NDST3: variants seen among roughly 807,000 people sequenced by gnomAD.
NDST3 encodes the protein bifunctional heparan sulfate N-deacetylase/N-sulfotransferase 3.
A neutral mutation model predicts 96.1 loss-of-function variants in NDST3; 58 were observed. That is an observed-to-expected ratio of 0.60 (90% confidence interval 0.49 to 0.75). The LOEUF (loss-of-function observed/expected upper bound fraction) is 0.75, where lower values mean the gene tolerates loss of function less well. Among genes scored for constraint, NDST3 ranks in the 30% least tolerant of loss-of-function variants. The pLI, the probability that NDST3 is intolerant of heterozygous loss-of-function variation, is 0.00. For synonymous variants in NDST3, 333 were observed against 359.7 expected (o/e 0.93, Z 0.84); for missense variants, 788 against 1,034.2 (o/e 0.76, Z 3.27).
chr4:118,236,642 C>A (rs1001978485), intron 9 of NDST3, among the ~76,000 whole-genome samples: 1 of 152,134 alleles, frequency 6.6e-6, no homozygotes, highest in Non-Finnish European at 1.5e-5. Context: ...TTCTCTAAAT[C>A]CTTTTAAAAT....
intron 10 of NDST3, among the ~76,000 whole-genome samples, chr4:118,237,632 T>C (rs563986267): frequency 3.9e-5 from 6 of 152,308 alleles, no homozygotes; most frequent in Admixed American, 1.3e-4. Flanking sequence ...ACAGTCTCCA[T>C]TGCAACTCTA....
rs757408680 is a variant in NDST3, at chr4:118,146,582, T to G, written c.1539+2898T>G. Among the ~76,000 whole-genome samples the G allele has an allele frequency of 5.2e-4, 79 of 152,220 alleles. 1 individual carries two copies. The highest frequency in any genetic ancestry group is 1.9e-3 in the African/African-American group (79 of 41,458). On this transcript the variant is annotated intron_variant, in intron 6 of 13. Transcript: ENST00000296499. The stretch of plus-strand genomic sequence containing the variant: ...AAAACCGTTAAACAGAATAACTCTC[T>G]GGCCTGAAATGTTCTAATGTTACCA...
intron 6 of NDST3, among the ~76,000 whole-genome samples, chr4:118,210,930 G>A (rs1016268941): frequency 2.0e-5 from 3 of 152,152 alleles, no homozygotes; most frequent in Non-Finnish European, 2.9e-5. Flanking sequence ...GCATATGACA[G>A]TATCAGTTGA....
intron 1 of NDST3, among the ~76,000 whole-genome samples, chr4:118,047,895 A>G (rs1376424216): frequency 6.6e-6 from 1 of 152,180 alleles, no homozygotes; most frequent in Non-Finnish European, 1.5e-5. Context: ...TGCATACTAT[A>G]TGAGATAACC....
chr4:118,211,352 A>T (rs1256525676), intron 6 of NDST3, among the ~76,000 whole-genome samples: 1 of 152,168 alleles, frequency 6.6e-6, no homozygotes, highest in African/African-American at 2.4e-5. Flanking sequence ...ATTATTTAAC[A>T]TATGAGCTAC....
At chr4:118,090,678 C>A (rs1728789253) in intron 2 of NDST3, among the ~76,000 whole-genome samples, 1 of 151,746 alleles carries the variant, frequency 6.6e-6, no homozygotes, top group African/African-American at 2.4e-5. Flanking sequence ...TTTCATCTTT[C>A]TTCACTCGAA....
Position 118,054,050 on chromosome 4 carries a change from C to A in NDST3, c.140C>A (p.Ala47Asp), listed in dbSNP as rs1328323497. The A allele has an allele frequency of 1.9e-6, 3 of 1,612,824 alleles. No individual in the cohort carries two copies. Among genetic ancestry groups the A allele is most frequent in the Admixed American group, 3.3e-5 (2 of 59,868 alleles). The change falls in exon 2 of 14, where the codon GCT (alanine) becomes GAT (aspartate). Residue 47 changes from alanine to aspartate, a missense_variant. Around this residue, in one of 3 missense-constraint regions of NDST3, gnomAD observed 234 missense variants for 256.9 expected, o/e 0.91. Transcript: ENST00000296499. ...CAGGAAAATGAACTCTCTGAGACGG[C>A]TTCAGAAGTTGACTGTGGCGACCTC... The part of the protein sequence containing the change: ...YKQENELSET[A>D]SEVDCGDLQH...
At chr4:118,040,873 A>T (rs1236174865) in intron 1 of NDST3, among the ~76,000 whole-genome samples, 1 of 53,372 alleles carries the variant, frequency 1.9e-5, no homozygotes, top group African/African-American at 3.4e-5. Flanking sequence ...ATTTTTATAT[A>T]TATATATATT....
intron 6 of NDST3, among the ~76,000 whole-genome samples, chr4:118,164,566 C>T (rs1025570693): frequency 8.5e-5 from 13 of 152,048 alleles, no homozygotes; most frequent in African/African-American, 3.1e-4. Context: ...ATCGCCTTTA[C>T]AAGAAATGCT....
At chr4:118,102,055 C>A (rs1223914381) in intron 2 of NDST3, among the ~76,000 whole-genome samples, 2 of 151,282 alleles carry the variant, frequency 1.3e-5, no homozygotes, top group Middle Eastern at 3.2e-3. Context: ...TAACTATATG[C>A]CTGCAAATAT....
intron 1 of NDST3, among the ~76,000 whole-genome samples, chr4:118,051,739 T>A (rs1303521425): frequency 6.6e-6 from 1 of 151,866 alleles, no homozygotes; most frequent in African/African-American, 2.4e-5. Flanking sequence ...CAAAATAGTC[T>A]CTTTATTAAA....
chr4:118,146,762 G>C (rs889639118), intron 6 of NDST3, among the ~76,000 whole-genome samples: 2 of 152,184 alleles, frequency 1.3e-5, no homozygotes, highest in Admixed American at 1.3e-4. Context: ...CAACTCTCAC[G>C]TAAGCTGGAT....
chr4:118,079,753 A>G (rs1023484044), intron 2 of NDST3, among the ~76,000 whole-genome samples: 3 of 152,204 alleles, frequency 2.0e-5, no homozygotes, highest in Admixed American at 6.5e-5. Context: ...GACTGTAGAA[A>G]AATAATGGAA....
intron 6 of NDST3, chr4:118,194,155 C>T: frequency 3.5e-6 from 3 of 858,174 alleles, no homozygotes; most frequent in Non-Finnish European, 5.9e-6. Flanking sequence ...TCTACATGCA[C>T]TGAATGGCCC....
chr4:118,205,149 G>A (rs1046160281), intron 6 of NDST3, among the ~76,000 whole-genome samples: 7 of 143,682 alleles, frequency 4.9e-5, no homozygotes, highest in Non-Finnish European at 1.1e-4. Flanking sequence ...AGTTGAGCAG[G>A]CCTTATCTTC....
chr4:118,039,573 A>G (rs758236465), intron 1 of NDST3, among the ~76,000 whole-genome samples: 1 of 152,222 alleles, frequency 6.6e-6, no homozygotes, highest in East Asian at 1.9e-4. Context: ...AACTAATTAT[A>G]ACTTTGGAAC....
intron 4 of NDST3, among the ~76,000 whole-genome samples, chr4:118,128,958 T>C (rs1025368937): frequency 8.5e-5 from 13 of 152,200 alleles, no homozygotes; most frequent in African/African-American, 2.9e-4. Context: ...CTGTAAATTT[T>C]CCAACTTGTT....
chr4:118,157,428 G>T lies in NDST3; in HGVS notation c.1539+13744G>T, dbSNP rs201731739. ...ACATTTTTTACACAGTTTTGTTTTT[G>T]TTTTTTTTTTTTTTTGAGACAGAGT... is the stretch of plus-strand genomic sequence containing the variant. On this transcript the variant is annotated intron_variant, in intron 6 of 13. Coordinates refer to ENST00000296499, the MANE Select transcript of NDST3 (RefSeq NM_004784.3). 6.9e-3 allele frequency among the ~76,000 whole-genome samples: 886 copies of T among 128,012 alleles called. 10 individuals carry two copies. The highest frequency in any genetic ancestry group is 0.022 in the African/African-American group (809 of 36,296). 84.0% of individuals were successfully genotyped at this position (128,012 alleles called of 152,430 possible). A position where few individuals can be genotyped will look rare whatever the true frequency, so the allele number is the denominator to read the frequency against.
chr4:118,049,894 A>T (rs1724978976), intron 1 of NDST3, among the ~76,000 whole-genome samples: 1 of 152,136 alleles, frequency 6.6e-6, no homozygotes, highest in Admixed American at 6.6e-5. Flanking sequence ...TGAAGCAAGC[A>T]TCAGCCTGAT....
Sources: gnomAD v4.1 joint callset for allele counts (sites outside exome capture counted in the v4.1 genomes callset) on GRCh38, gnomAD v4.1.1 for gene constraint, gnomAD v4.1.1 regional missense constraint, MANE v1.5 for transcripts, NCBI Gene and HGNC (gene_info 2026-07-23, HGNC 2026-07-21) for gene names.